The following SCG5 variants were observed in gnomAD, a reference collection of about 807,000 sequenced individuals.
SCG5 encodes the protein secretogranin V.
SCG5 carries 18 observed loss-of-function variants against 25.7 expected under a neutral mutation model. The ratio of observed to expected loss-of-function variants is 0.70; its 90% confidence interval spans 0.48 to 1.04. SCG5 has a LOEUF of 1.04. Ranked by LOEUF, SCG5 falls within the 50% of genes least tolerant of loss-of-function variation. The pLI, the probability that SCG5 is intolerant of heterozygous loss-of-function variation, is 0.00. For synonymous variants in SCG5, 101 were observed against 91.7 expected, an observed-to-expected ratio of 1.10 and a Z score of -0.58; for missense variants, 206 against 259.8, an observed-to-expected ratio of 0.79 and a Z score of 1.42.
At chr15:32,658,121 C>T (rs2140519299) in intron 2 of SCG5, among the ~76,000 whole-genome samples, 1 of 152,208 alleles carries the variant, frequency 6.6e-6, no homozygotes, top group South Asian at 2.1e-4. Context: ...GTGAGGTGGG[C>T]TGGCTAAAAG....
intron 2 of SCG5, among the ~76,000 whole-genome samples, chr15:32,648,209 C>T (rs2053975155): frequency 6.6e-6 from 1 of 152,116 alleles, no homozygotes; most frequent in African/African-American, 2.4e-5. Flanking sequence ...ACACTTCATG[C>T]CTCAATTTTA....
At chr15:32,669,783 G>C (rs1049838481) in intron 2 of SCG5, among the ~76,000 whole-genome samples, 1 of 151,878 alleles carries the variant, frequency 6.6e-6, no homozygotes, top group South Asian at 2.1e-4. Context: ...TGGGGTTTGT[G>C]GTGACTACAG....
rs550575223 is a variant in SCG5, at chr15:32,686,912, A to G, written c.489+2243A>G. 3.3e-5 allele frequency among the ~76,000 whole-genome samples: 5 copies of G among 152,268 alleles called. No individual in the cohort carries two copies. In the South Asian group the frequency reaches 8.3e-4, roughly 25 times the overall value. On this transcript the variant is annotated intron_variant, in intron 4 of 5. Coordinates refer to ENST00000300175, the MANE Select transcript of SCG5 (RefSeq NM_001144757.3). ...TGAGGGCCAGGGGCAATTATTAGGGAAGATGGAAGACAAGGGTAGAGGAAG... is the reference window on the plus strand; with the variant it reads ...TGAGGGCCAGGGGCAATTATTAGGGGAGATGGAAGACAAGGGTAGAGGAAG...
chr15:32,663,075 ATATAATAT>A (rs1452513444), intron 2 of SCG5, among the ~76,000 whole-genome samples: 2 of 57,030 alleles, frequency 3.5e-5, no homozygotes, highest in African/African-American at 1.1e-4. Flanking sequence ...ATATATATAT[ATATAATAT>A]ATAATATGTT....
intron 2 of SCG5, among the ~76,000 whole-genome samples, chr15:32,674,140 A>G (rs1247445461): frequency 6.6e-6 from 1 of 152,194 alleles, no homozygotes; most frequent in East Asian, 1.9e-4. Context: ...GCAAAGTCAT[A>G]TTCTCCTGCT....
At chr15:32,671,332 T>A (rs895408504) in intron 2 of SCG5, among the ~76,000 whole-genome samples, 3 of 152,254 alleles carry the variant, frequency 2.0e-5, no homozygotes, top group African/African-American at 7.2e-5. Context: ...GAGTGAATTT[T>A]GAGAAAGGAT....
intron 2 of SCG5, 120 bp from the exon 3 acceptor site, chr15:32,679,646 T>C: frequency 9.2e-7 from 1 of 1,082,712 alleles, no homozygotes; most frequent in South Asian, 1.5e-5. Flanking sequence ...AACCATTTCA[T>C]TTATTTTTCT....
At chr15:32,696,274 C>T (rs1408645287) in intron 5 of SCG5, among the ~76,000 whole-genome samples, 9 of 152,226 alleles carry the variant, frequency 5.9e-5, no homozygotes, top group Non-Finnish European at 1.0e-4. Context: ...CCCACCACCA[C>T]GCCCGGCTAA....
chr15:32,690,338 C>T (rs2054826015), intron 4 of SCG5, among the ~76,000 whole-genome samples: 1 of 152,230 alleles, frequency 6.6e-6, no homozygotes, highest in African/African-American at 2.4e-5. Flanking sequence ...CTCACCCCTT[C>T]CCGGCCTTCC....
chr15:32,688,569 A>G (rs527790271), intron 4 of SCG5, among the ~76,000 whole-genome samples: 1 of 152,308 alleles, frequency 6.6e-6, no homozygotes, highest in East Asian at 1.9e-4. Flanking sequence ...ATTTTACATC[A>G]GCAAGCACAT....
rs1209953009 is a variant in SCG5, at chr15:32,684,761, A to C, written c.489+92A>C. The C allele has an allele frequency of 1.4e-5, 11 of 762,842 alleles. No individual in the cohort carries two copies. The Admixed American group carries it at 3.1e-4, about 21-fold the overall frequency. The allele number at this position is 762,842 out of a possible 1,614,324, so 47.3% of individuals were successfully genotyped here. A position where few individuals can be genotyped will look rare whatever the true frequency, so the allele number is the denominator to read the frequency against. On this transcript the variant is annotated intron_variant, in intron 4 of 5. Transcript: ENST00000300175. ...TGAGCAATATGGGCAGAAGGAGAGA[A>C]GAAAAATTATTTAGAAGCTAATTTT...
chr15:32,672,913 C>CAAAAAAAAAA (rs55928870), intron 2 of SCG5: 1 of 87,798 alleles, frequency 1.1e-5, no homozygotes. Flanking sequence ...CATAACATCA[C>CAAAAAAAAAA]AAAAAAAAAA....
chr15:32,644,004 A>G (rs1306387572), intron 2 of SCG5, among the ~76,000 whole-genome samples, 186 bp downstream of exon 2: 1 of 152,208 alleles, frequency 6.6e-6, no homozygotes, highest in Non-Finnish European at 1.5e-5. Flanking sequence ...CAGTGTCTAC[A>G]TACTTACATA....
chr15:32,669,107 AAGTTGCAAATCCTAC>A (rs1187553289), intron 2 of SCG5: 3 of 152,216 alleles, frequency 2.0e-5, no homozygotes, highest in Non-Finnish European at 4.4e-5. Flanking sequence ...GAAATCCTCT[AAGTTGCAAATCCTAC>A]AGGAGCAGAG....
chr15:32,686,513 A>C (rs1448890468), intron 4 of SCG5, among the ~76,000 whole-genome samples: 1 of 152,216 alleles, frequency 6.6e-6, no homozygotes, highest in Non-Finnish European at 1.5e-5. Flanking sequence ...GGTTCATATG[A>C]AATGGACAAT....
At chr15:32,650,207 C>A (rs2054011982) in intron 2 of SCG5, among the ~76,000 whole-genome samples, 1 of 152,226 alleles carries the variant, frequency 6.6e-6, no homozygotes, top group Admixed American at 6.5e-5. Flanking sequence ...ATGCCATTCT[C>A]CTGCCTCAGC....
At chr15:32,677,708 A>G (rs28688414) in intron 2 of SCG5, 41,607 of 152,108 alleles carry the variant, frequency 0.27, 6,187 homozygotes, top group East Asian at 0.59. Flanking sequence ...CCTTAGGGGA[A>G]CTGTGAGTGT....
At chr15:32,648,126 C>T (rs918629417) in intron 2 of SCG5, among the ~76,000 whole-genome samples, 5 of 152,188 alleles carry the variant, frequency 3.3e-5, no homozygotes, top group Non-Finnish European at 5.9e-5. Flanking sequence ...TCTTTTCTGT[C>T]TAAATGAGTA....
chr15:32,684,434 T>C, intron 3 of SCG5, 123 bp from the exon 4 acceptor site: 1 of 648,730 alleles, frequency 1.5e-6, no homozygotes, highest in South Asian at 1.9e-5. Context: ...CTGCTAGTGT[T>C]CTAAGTTACT....
Sources: allele counts gnomAD v4.1 joint callset (sites outside exome capture counted in the v4.1 genomes callset), GRCh38; gene constraint gnomAD v4.1.1; transcripts MANE v1.5; gene names NCBI Gene and HGNC (gene_info 2026-07-23, HGNC 2026-07-21).